The following RNGTT variants were observed in gnomAD, a reference collection of about 807,000 sequenced individuals.
RNGTT encodes the protein RNA guanylyltransferase and 5'-phosphatase.
RNGTT carries 33 observed loss-of-function variants against 79.3 expected under a neutral mutation model. The observed-to-expected ratio is 0.42, with a 90% CI of 0.32 to 0.56. The LOEUF is 0.56. RNGTT is among the 20% of genes least tolerant of loss of function. The pLI is 0.17. For synonymous variants in RNGTT, 222 were observed against 235.9 expected, an observed-to-expected ratio of 0.94 and a Z score of 0.54; for missense variants, 497 against 739.1, an observed-to-expected ratio of 0.67 and a Z score of 3.80.
At chr6:88,768,749 A>G (rs1010189895) in intron 13 of RNGTT, among the ~76,000 whole-genome samples, 1 of 152,210 alleles carries the variant, frequency 6.6e-6, no homozygotes, top group Non-Finnish European at 1.5e-5. Context: ...CTTAGCCAAG[A>G]TACTTAAAAA....
intron 14 of RNGTT, among the ~76,000 whole-genome samples, chr6:88,632,544 GACACACACACACACACAC>G (rs55920605): frequency 2.3e-5 from 3 of 132,966 alleles, no homozygotes; most frequent in African/African-American, 3.4e-5. Flanking sequence ...CAGACACACA[GACACACACACACACACAC>G]ACACACACAC....
chr6:88,858,362 C>T (rs2127911416), intron 8 of RNGTT, among the ~76,000 whole-genome samples: 1 of 152,184 alleles, frequency 6.6e-6, no homozygotes. Flanking sequence ...CATTTACACT[C>T]TTAAAAAGAA....
intron 12 of RNGTT, among the ~76,000 whole-genome samples, chr6:88,796,992 A>G (rs1010324681): frequency 1.3e-5 from 2 of 152,192 alleles, no homozygotes; most frequent in South Asian, 2.1e-4. Flanking sequence ...ATTCTCTAGT[A>G]TATATAAGAA....
intron 13 of RNGTT, among the ~76,000 whole-genome samples, chr6:88,713,612 A>T (rs1776394403): frequency 6.6e-6 from 1 of 152,240 alleles, no homozygotes; most frequent in South Asian, 2.1e-4. Context: ...GAATATATCT[A>T]ATGACAAGTA....
intron 14 of RNGTT, among the ~76,000 whole-genome samples, chr6:88,623,911 A>G (rs1414406343): frequency 6.6e-6 from 1 of 152,086 alleles, no homozygotes; most frequent in Non-Finnish European, 1.5e-5. Context: ...GATGCAGACT[A>G]TAAGAATACT....
chr6:88,712,730 A>C (rs1388831967), intron 13 of RNGTT, among the ~76,000 whole-genome samples: 4 of 152,228 alleles, frequency 2.6e-5, no homozygotes, highest in African/African-American at 4.8e-5. Flanking sequence ...CTCAATGTGA[A>C]AAACAGAAGC....
chr6:88,794,640 A>T (rs1779534224), intron 12 of RNGTT, among the ~76,000 whole-genome samples: 1 of 152,210 alleles, frequency 6.6e-6, no homozygotes, highest in Non-Finnish European at 1.5e-5. Flanking sequence ...ATATAACCAC[A>T]GCCCATAGAT....
intron 11 of RNGTT, among the ~76,000 whole-genome samples, chr6:88,841,287 C>A (rs1371207903): frequency 1.3e-5 from 2 of 151,974 alleles, no homozygotes; most frequent in Non-Finnish European, 2.9e-5. Flanking sequence ...AGGTGTTACA[C>A]AAAATCATAA....
chr6:88,870,634 A>C lies in RNGTT; in HGVS notation c.897-16870T>G, dbSNP rs73498463. Among the ~76,000 whole-genome samples the C allele has an allele frequency of 4.6e-3, 705 of 152,268 alleles. 3 individuals carry two copies. The highest frequency in any genetic ancestry group is 0.016 in the African/African-American group (675 of 41,562). ...CAGAAAAAACACTTCTAGGGACTTT[A>C]ATACGGCTACATTGTTTTTACCAAA... On this transcript the variant is annotated intron_variant, in intron 8 of 15. Coordinates refer to ENST00000369485, the MANE Select transcript of RNGTT (RefSeq NM_003800.5).
At chr6:88,686,824 G>A (rs1775296019) in intron 13 of RNGTT, among the ~76,000 whole-genome samples, 1 of 152,036 alleles carries the variant, frequency 6.6e-6, no homozygotes, top group African/African-American at 2.4e-5. Context: ...CTTCGCACAA[G>A]TCACAAGAAT....
At chr6:88,921,099 T>C (rs540244723) in intron 4 of RNGTT, among the ~76,000 whole-genome samples, 1 of 152,296 alleles carries the variant, frequency 6.6e-6, no homozygotes, top group South Asian at 2.1e-4. Flanking sequence ...TAAGTAGTCT[T>C]AGGATCTGAA....
chr6:88,903,576 G>A lies in RNGTT; in HGVS notation c.684+1139C>T, dbSNP rs1783545214. On this transcript the variant is annotated intron_variant, in intron 6 of 15. Transcript: ENST00000369485. The stretch of plus-strand genomic sequence containing the variant: ...TTCGAAGCAATTTACACTTTTCAGT[G>A]TCCTTATAGTCTTAAAATTTAAAAT... Among the ~76,000 whole-genome samples the A allele has an allele frequency of 2.0e-5, 3 of 152,076 alleles. No individual in the cohort carries two copies. The South Asian group carries it at 6.2e-4, about 32-fold the overall frequency.
intron 14 of RNGTT, among the ~76,000 whole-genome samples, chr6:88,625,322 AT>A (rs1376001221): frequency 3.3e-5 from 5 of 152,150 alleles, no homozygotes; most frequent in African/African-American, 1.2e-4. Flanking sequence ...AAAACTGGGA[AT>A]AACTTAAATG....
chr6:88,681,935 C>T (rs904898003), intron 13 of RNGTT, among the ~76,000 whole-genome samples: 9 of 152,134 alleles, frequency 5.9e-5, no homozygotes, highest in Non-Finnish European at 1.2e-4. Context: ...TTTATCACAG[C>T]TTTAGAAGTT....
chr6:88,883,552 T>C (rs1782759855), intron 8 of RNGTT, among the ~76,000 whole-genome samples: 2 of 152,162 alleles, frequency 1.3e-5, no homozygotes, highest in South Asian at 4.1e-4. Context: ...TCACTCAAAA[T>C]GAATTTATGC....
chr6:88,726,691 T>C (rs1776919171), intron 13 of RNGTT, among the ~76,000 whole-genome samples: 1 of 152,186 alleles, frequency 6.6e-6, no homozygotes, highest in African/African-American at 2.4e-5. Flanking sequence ...GAAAAGTGCC[T>C]AATAATTAGT....
chr6:88,808,403 G>A (rs1780029171), intron 11 of RNGTT, among the ~76,000 whole-genome samples: 1 of 152,014 alleles, frequency 6.6e-6, no homozygotes, highest in Admixed American at 6.6e-5. Context: ...CCCAAAAAGT[G>A]GAGATATAAT....
At chr6:88,702,110 G>GA (rs57501267) in intron 13 of RNGTT, among the ~76,000 whole-genome samples, 17,664 of 152,048 alleles carry the variant, frequency 0.12, 1,140 homozygotes, top group Middle Eastern at 0.23. Context: ...CAGGTTGAAA[G>GA]AATCAATATC....
intron 13 of RNGTT, among the ~76,000 whole-genome samples, chr6:88,722,751 G>A (rs529001494): frequency 6.6e-5 from 10 of 152,274 alleles, no homozygotes; most frequent in South Asian, 2.1e-4. Flanking sequence ...CTATAGTCAT[G>A]AGCCTCATAA....
Sources: gnomAD v4.1 joint callset for allele counts (sites outside exome capture counted in the v4.1 genomes callset) on GRCh38, gnomAD v4.1.1 for gene constraint, MANE v1.5 for transcripts, NCBI Gene and HGNC (gene_info 2026-07-23, HGNC 2026-07-21) for gene names.